The following EHBP1 variants were observed in gnomAD, a reference collection of about 807,000 sequenced individuals.
EHBP1 encodes EH domain-binding protein 1.
A neutral mutation model predicts 144.0 loss-of-function variants in EHBP1; 55 were observed. The ratio of observed to expected loss-of-function variants is 0.38; its 90% confidence interval spans 0.31 to 0.48. The LOEUF is 0.48. Among genes scored for constraint, EHBP1 ranks in the 20% least tolerant of loss-of-function variants. The pLI is 0.98. For synonymous variants in EHBP1, 469 were observed against 472.7 expected, an observed-to-expected ratio of 0.99 and a Z score of 0.10; for missense variants, 1,200 against 1,364.2, an observed-to-expected ratio of 0.88 and a Z score of 1.90.
intron 10 of EHBP1, among the ~76,000 whole-genome samples, chr2:62,912,545 C>T (rs1027784772): frequency 6.6e-6 from 1 of 152,118 alleles, no homozygotes; most frequent in African/African-American, 2.4e-5. Flanking sequence ...GAGCAAGACT[C>T]TGTCTCAAAA....
In EHBP1 at chr2:62,773,018, A is replaced by C. The variant is rs182694144; in HGVS notation, c.312+1626A>C. ...ATTCTTAATGCATGGGAAAGAGCACAGATGTACATGTTATGACCAAAGCAT... is the reference window on the plus strand; with the variant it reads ...ATTCTTAATGCATGGGAAAGAGCACCGATGTACATGTTATGACCAAAGCAT... On this transcript the variant is annotated intron_variant, in intron 5 of 22. Coordinates refer to ENST00000431489, the MANE Select transcript of EHBP1 (RefSeq NM_001142616.3). 2.2e-3 allele frequency among the ~76,000 whole-genome samples: 342 copies of C among 152,340 alleles called. 6 individuals carry two copies. Among genetic ancestry groups the C allele is most frequent in the Non-Finnish European group, 2.2e-4 (15 of 68,028 alleles).
intron 10 of EHBP1, among the ~76,000 whole-genome samples, chr2:62,880,918 A>G (rs1230261241): frequency 6.6e-6 from 1 of 151,980 alleles, no homozygotes; most frequent in East Asian, 1.9e-4. Context: ...TATACCAAGT[A>G]TATACCCAAA....
intron 1 of EHBP1, among the ~76,000 whole-genome samples, chr2:62,683,911 A>G (rs2033626621): frequency 6.6e-6 from 1 of 152,184 alleles, no homozygotes; most frequent in Non-Finnish European, 1.5e-5. Flanking sequence ...CTCACCCACC[A>G]TGGATGAGGA....
intron 7 of EHBP1, among the ~76,000 whole-genome samples, chr2:62,845,707 A>AT (rs1444785770): frequency 6.6e-6 from 1 of 152,020 alleles, no homozygotes; most frequent in Non-Finnish European, 1.5e-5. Context: ...AAAAAAAAAA[A>AT]AAAAAGATTA....
intron 6 of EHBP1, among the ~76,000 whole-genome samples, chr2:62,829,928 T>C (rs2046677244): frequency 6.6e-6 from 1 of 151,042 alleles, no homozygotes; most frequent in African/African-American, 2.4e-5. Flanking sequence ...AAAAACAGTA[T>C]GGAGATTCCT....
At chr2:62,755,669 AT>A (rs1399081950) in intron 3 of EHBP1, among the ~76,000 whole-genome samples, 1 of 152,176 alleles carries the variant, frequency 6.6e-6, no homozygotes, top group Non-Finnish European at 1.5e-5. Flanking sequence ...GAGCATTATA[AT>A]TTGAATGCCT....
chr2:62,748,421 A>T (rs2039359697), intron 3 of EHBP1, among the ~76,000 whole-genome samples: 1 of 152,146 alleles, frequency 6.6e-6, no homozygotes, highest in Admixed American at 6.6e-5. Flanking sequence ...TGGGAGGCCA[A>T]GGCAGGAGGA....
rs768507702 is a variant in EHBP1 at position 62,747,381 on chromosome 2, TTTTTG to T, written c.105-10_105-6del. ...TTAAGATAAATTATGTTTAACTTTTTTTTTGTTTGGCAGGCAACCAGATAAACTGG... is the reference window on the plus strand; with the variant it reads ...TTAAGATAAATTATGTTTAACTTTTTTTTGGCAGGCAACCAGATAAACTGG... On this transcript the variant is annotated splice_polypyrimidine_tract_variant and intron_variant, in intron 2 of 22. Transcript: ENST00000431489. 12 of 1,606,718 alleles carry T rather than the reference TTTTTG, an allele frequency of 7.5e-6. No individual in the cohort carries two copies. In the Admixed American group the frequency reaches 2.0e-4, roughly 27 times the overall value.
intron 10 of EHBP1, among the ~76,000 whole-genome samples, chr2:62,878,635 A>G (rs374378411): frequency 2.0e-5 from 3 of 152,188 alleles, no homozygotes; most frequent in Non-Finnish European, 4.4e-5. Flanking sequence ...AGGAGGTTTC[A>G]TTCCTGGGAT....
intron 19 of EHBP1, among the ~76,000 whole-genome samples, chr2:63,018,326 C>CTT (rs1000419144): frequency 1.3e-5 from 2 of 151,690 alleles, no homozygotes; most frequent in African/African-American, 4.9e-5. Flanking sequence ...ACTTTCAAGT[C>CTT]TTCTTTATTC....
At chr2:62,914,729 A>G (rs1357610522) in intron 10 of EHBP1, among the ~76,000 whole-genome samples, 1 of 152,030 alleles carries the variant, frequency 6.6e-6, no homozygotes, top group Non-Finnish European at 1.5e-5. Context: ...ATTTGTATAA[A>G]CTATATACTT....
rs2061544748 is a variant in EHBP1, at chr2:63,038,769, G to A, written c.3230G>A (p.Arg1077Gln). Residue 1077 changes from arginine (R) to glutamine (Q), a missense_variant, in exon 21 of 23, where the codon CGG (arginine) becomes CAG (glutamine). By Grantham distance (43) the Arg-to-Gln change is conservative. Coordinates refer to ENST00000431489, the MANE Select transcript of EHBP1 (RefSeq NM_001142616.3). The part of the protein sequence containing the change: ...LLEKEHDLER[R>Q]YELLNRELRA... ...GAAAAAGAACATGATTTAGAACGAC[G>A]GTATGAGCTGCTGAACCGGGAATTG... 6.2e-7 allele frequency: 1 copy of A among 1,613,364 alleles called. No individual in the cohort carries two copies. The highest frequency in any genetic ancestry group is 8.5e-7 in the Non-Finnish European group (1 of 1,179,484).
In EHBP1 at chr2:63,014,697, C is replaced by T. The variant is rs554102305; in HGVS notation, c.3103+17931C>T. Among the ~76,000 whole-genome samples, 169 of 152,150 alleles carry T rather than the reference C, an allele frequency of 1.1e-3. 3 individuals carry two copies. Among genetic ancestry groups the T allele is most frequent in the Middle Eastern group, 6.8e-3 (2 of 292 alleles). ...TTTTATATATAAAGATATTTGAACA[C>T]GGCTGGGCACAGGCTCACGCCTGTA... On this transcript the variant is annotated intron_variant, in intron 19 of 22. Transcript: ENST00000431489.
At chr2:62,689,617 G>C (rs1271268098) in intron 1 of EHBP1, among the ~76,000 whole-genome samples, 1 of 152,164 alleles carries the variant, frequency 6.6e-6, no homozygotes, top group Non-Finnish European at 1.5e-5. Flanking sequence ...AGATAACCGA[G>C]ATTGTGCCAC....
intron 5 of EHBP1, among the ~76,000 whole-genome samples, chr2:62,801,072 T>G (rs1242885914): frequency 6.6e-6 from 1 of 152,258 alleles, no homozygotes; most frequent in African/African-American, 2.4e-5. Context: ...GGTTTATAAC[T>G]ATACAATATT....
intron 1 of EHBP1, among the ~76,000 whole-genome samples, chr2:62,688,106 A>C (rs895328716): frequency 6.6e-6 from 1 of 152,216 alleles, no homozygotes; most frequent in African/African-American, 2.4e-5. Context: ...AAAATGAATT[A>C]TCTCTCTTGG....
chr2:62,805,720 T>G (rs982721855), intron 5 of EHBP1, among the ~76,000 whole-genome samples: 3 of 152,130 alleles, frequency 2.0e-5, no homozygotes. Flanking sequence ...TTTCACCGTG[T>G]TGGCCAGGCT....
At chr2:62,779,519 C>G (rs1251477717) in intron 5 of EHBP1, among the ~76,000 whole-genome samples, 1 of 152,142 alleles carries the variant, frequency 6.6e-6, no homozygotes, top group South Asian at 2.1e-4. Context: ...CTTATGGCTA[C>G]TTGCTCAGAG....
intron 2 of EHBP1, 45 bp from the exon 3 acceptor site, chr2:62,747,350 A>T (rs767291178): frequency 6.4e-7 from 1 of 1,574,106 alleles, no homozygotes; most frequent in Non-Finnish European, 8.7e-7. Context: ...ATGAAACTTT[A>T]TTTATTTAAG....
Sources: gnomAD v4.1 joint callset for allele counts (sites outside exome capture counted in the v4.1 genomes callset) on GRCh38, gnomAD v4.1.1 for gene constraint, MANE v1.5 for transcripts, NCBI Gene and HGNC (gene_info 2026-07-23, HGNC 2026-07-21) for gene names.